The following PIWIL1 variants were observed in gnomAD, a reference collection of about 807,000 sequenced individuals.
The protein encoded by PIWIL1 is piwi like RNA-mediated gene silencing 1.
PIWIL1 carries 73 observed loss-of-function variants against 114.4 expected under a neutral mutation model. The observed-to-expected ratio is 0.64, with a 90% CI of 0.53 to 0.78. The LOEUF (loss-of-function observed/expected upper bound fraction) is 0.78. Ranked by LOEUF, PIWIL1 falls within the 30% of genes least tolerant of loss-of-function variation. The pLI, the probability that PIWIL1 is intolerant of heterozygous loss-of-function variation, is 0.00. For synonymous variants in PIWIL1, 375 were observed against 369.0 expected, an observed-to-expected ratio of 1.02 and a Z score of -0.19; for missense variants, 723 against 1,063.1, an observed-to-expected ratio of 0.68 and a Z score of 4.45.
intron 12 of PIWIL1, 58 bp downstream of exon 12, chr12:130,355,725 C>T: frequency 1.7e-6 from 2 of 1,206,778 alleles, no homozygotes; most frequent in Non-Finnish European, 2.5e-6. Flanking sequence ...TCGCTCTGTC[C>T]CCCAGGCAGG....
intron 18 of PIWIL1, among the ~76,000 whole-genome samples, chr12:130,363,591 AG>A (rs1191056876): frequency 7.1e-6 from 1 of 141,378 alleles, no homozygotes; most frequent in Non-Finnish European, 1.5e-5. Flanking sequence ...CTCATGGGGC[AG>A]GGGTAGTTCT....
At position 130,361,507 on chromosome 12, in the gene PIWIL1, G is replaced by A. The variant is rs202172901; in HGVS notation, c.1876G>A (p.Val626Met). ...LWRVDIPLKLVMIVGIDCYHD... is the reference protein window; with the variant it reads ...LWRVDIPLKLMMIVGIDCYHD... Reference sequence around the variant, plus strand: ...CATATTTGTATTGAAGCTGAAGCTCGTGATGATCGTTGGCATCGATTGTTA... The same window carrying A: ...CATATTTGTATTGAAGCTGAAGCTCATGATGATCGTTGGCATCGATTGTTA... The change falls in exon 16 of 21, where the codon GTG (valine) becomes ATG (methionine). Residue 626 changes from valine (V) to methionine (M), a missense_variant. Physicochemically the swap from Val to Met is conservative, Grantham distance 21. Coordinates refer to ENST00000245255, the MANE Select transcript of PIWIL1 (RefSeq NM_004764.5). The A allele has an allele frequency of 5.3e-5, 85 of 1,614,156 alleles. No homozygotes were observed. Among genetic ancestry groups the A allele is most frequent in the Non-Finnish European group, 7.0e-5 (83 of 1,180,000 alleles).
chr12:130,420,318 A>C, the PIWIL1 span, among the ~76,000 whole-genome samples: 32 of 152,122 alleles, frequency 2.1e-4, no homozygotes, highest in South Asian at 5.6e-3. The surrounding 1 kb of genome is among the most constrained non-coding windows in gnomAD (Gnocchi z 4.3). Context: ...CTACATGATA[A>C]GAAGTCAGCA....
At chr12:130,376,468 G>C (rs2073867126), downstream of PIWIL1, among the ~76,000 whole-genome samples, 1 of 152,188 alleles carries the variant, frequency 6.6e-6, no homozygotes, top group Admixed American at 6.5e-5. Flanking sequence ...AGGAGTCTGA[G>C]ATTTCCAGGG....
chr12:130,352,438 G>A (rs528259763), intron 9 of PIWIL1, among the ~76,000 whole-genome samples: 1 of 152,316 alleles, frequency 6.6e-6, no homozygotes, highest in African/African-American at 2.4e-5. Flanking sequence ...CAGCACTCTG[G>A]GAGGCCGAGG....
rs2136176394 is a variant in PIWIL1, at chr12:130,361,103, G to A, written c.1666-77G>A. 3.9e-6 allele frequency: 5 copies of A among 1,272,608 alleles called. No homozygotes were observed. The East Asian group carries it at 1.2e-4, about 31-fold the overall frequency. 78.8% of individuals were successfully genotyped at this position (1,272,608 alleles called of 1,614,324 possible). A position where few individuals can be genotyped will look rare whatever the true frequency, so the allele number is the denominator to read the frequency against. The stretch of plus-strand genomic sequence containing the variant: ...CTTGACATTGATACTTCACAGGTGA[G>A]TTTAGTTTCCTGTCCTCTCCCTTGC... On this transcript the variant is annotated intron_variant, in intron 14 of 20. Coordinates refer to ENST00000245255, the MANE Select transcript of PIWIL1 (RefSeq NM_004764.5).
At chr12:130,393,422 G>C in the PIWIL1 span, among the ~76,000 whole-genome samples, 2 of 150,780 alleles carry the variant, frequency 1.3e-5, no homozygotes, top group Non-Finnish European at 2.9e-5. Flanking sequence ...TCAGTTACCT[G>C]GTGAATACTG....
downstream of PIWIL1, among the ~76,000 whole-genome samples, chr12:130,373,609 C>T (rs2073844795): frequency 6.6e-6 from 1 of 152,144 alleles, no homozygotes. Flanking sequence ...TTTGTGATAA[C>T]ACAGACTGGG....
Position 130,337,994 on chromosome 12 carries a change from C to A in PIWIL1, c.-165C>A. 5.8e-6 allele frequency: 1 copy of A among 172,416 alleles called. No homozygotes were observed. Among genetic ancestry groups the A allele is most frequent in the African/African-American group, 2.4e-5 (1 of 41,658 alleles). 10.7% of individuals were successfully genotyped at this position (172,416 alleles called of 1,614,324 possible). A position where few individuals can be genotyped will look rare whatever the true frequency, so the allele number is the denominator to read the frequency against. ...TCGCTGCCCGCGTGTCCCTGGCTCT[C>A]TCGGGAACCCAGCGCCGAAGGCGAG... On this transcript the variant is annotated 5_prime_UTR_variant, in exon 1 of 21. Transcript: ENST00000245255.
chr12:130,417,346 C>T, the PIWIL1 span, among the ~76,000 whole-genome samples: 1 of 152,220 alleles, frequency 6.6e-6, no homozygotes, highest in South Asian at 2.1e-4. Context: ...CCTAGATGCT[C>T]ATCAACAGTG....
chr12:130,385,114 A>G, the PIWIL1 span, among the ~76,000 whole-genome samples: 1 of 152,112 alleles, frequency 6.6e-6, no homozygotes, highest in South Asian at 2.1e-4. Flanking sequence ...TTGATGAACT[A>G]TTAGTTTTCA....
At chr12:130,378,221 C>T in the PIWIL1 span, among the ~76,000 whole-genome samples, 1 of 152,264 alleles carries the variant, frequency 6.6e-6, no homozygotes, top group African/African-American at 2.4e-5. Context: ...GGAATCTCAC[C>T]TGGAGAACCG....
At chr12:130,387,859 AT>A in the PIWIL1 span, among the ~76,000 whole-genome samples, 1 of 152,362 alleles carries the variant, frequency 6.6e-6, no homozygotes, top group East Asian at 1.9e-4. Context: ...ACTTAATAAA[AT>A]TTACAGCATA....
chr12:130,414,509 T>A, the PIWIL1 span: 6 of 483,044 alleles, frequency 1.2e-5, no homozygotes, highest in African/African-American at 1.2e-4. Flanking sequence ...CCACACTCTG[T>A]ACCTGGCCAC....
intron 16 of PIWIL1, among the ~76,000 whole-genome samples, chr12:130,362,318 GT>G (rs1334017334): frequency 1.1e-4 from 17 of 152,166 alleles, no homozygotes; most frequent in African/African-American, 4.1e-4. Context: ...GTGAAAACAG[GT>G]GGTATTTGGT....
At chr12:130,401,528 C>T in the PIWIL1 span, among the ~76,000 whole-genome samples, 2 of 151,842 alleles carry the variant, frequency 1.3e-5, no homozygotes, top group African/African-American at 4.8e-5. Context: ...CACTCACTGC[C>T]CTGCCCCGCC....
At chr12:130,399,927 T>G in the PIWIL1 span, 3 of 1,228,566 alleles carry the variant, frequency 2.4e-6, no homozygotes, top group Non-Finnish European at 3.4e-6. Flanking sequence ...TTATTCTGGT[T>G]CAAAAGTGGC....
the PIWIL1 span, among the ~76,000 whole-genome samples, chr12:130,421,443 C>G: frequency 6.6e-6 from 1 of 152,142 alleles, no homozygotes; most frequent in Non-Finnish European, 1.5e-5. Flanking sequence ...TTGAATTGTA[C>G]AAGGAAGAAA....
At chr12:130,415,347 C>T in the PIWIL1 span, among the ~76,000 whole-genome samples, 1 of 152,158 alleles carries the variant, frequency 6.6e-6, no homozygotes. Context: ...TAAAATCCAA[C>T]ATCCCTTCAT....
Sources: gnomAD v4.1 joint callset for allele counts (sites outside exome capture counted in the v4.1 genomes callset) on GRCh38, gnomAD v4.1.1 for gene constraint, Gnocchi (gnomAD v3.1) non-coding constraint, MANE v1.5 for transcripts, NCBI Gene and HGNC (gene_info 2026-07-23, HGNC 2026-07-21) for gene names.